The following C12orf71 variants were observed in gnomAD, a reference collection of about 807,000 sequenced individuals.
The protein encoded by C12orf71 is chromosome 12 open reading frame 71, also known as uncharacterized protein C12orf71.
A neutral mutation model predicts 11.7 loss-of-function variants in C12orf71; 10 were observed. That is an observed-to-expected ratio of 0.86 (90% CI 0.53 to 1.45). The LOEUF (loss-of-function observed/expected upper bound fraction) is 1.45. C12orf71 is among the 40% of genes most tolerant of loss of function. The pLI is 0.00. For missense variants in C12orf71, 293 were observed against 325.8 expected (o/e 0.90, Z 0.78); for synonymous variants, 110 against 123.4 (o/e 0.89, Z 0.72).
Position 27,081,434 on chromosome 12 carries a change from T to C in C12orf71, c.550A>G (p.Ser184Gly). The C allele has an allele frequency of 6.2e-7, 1 of 1,612,326 alleles. No individual in the cohort carries two copies. The highest frequency in any genetic ancestry group is 2.2e-5 in the East Asian group (1 of 44,854). The change falls in exon 2 of 2, where the codon AGC becomes GGC. Residue 184 changes from serine (S) to glycine (G), a missense_variant. By Grantham distance (56) the Ser-to-Gly change is moderately conservative. Coordinates refer to ENST00000429849, the MANE Select transcript of C12orf71 (RefSeq NM_001080406.2). ...AGGATTGAGGAGATCTCTGGAGCGC[T>C]TGTCCTTTGGCTGGCGGTTGCCTGG... ...ISQATASQRT[S>G]APEISSILSE...
chr12:27,081,270 G>T lies in C12orf71; in HGVS notation c.714C>A (p.Thr238=), dbSNP rs1216403741. 5.0e-6 allele frequency: 8 copies of T among 1,613,832 alleles called. No individual in the cohort carries two copies. Among genetic ancestry groups the T allele is most frequent in the Admixed American group, 3.3e-5 (2 of 60,000 alleles). Residue 238 remains threonine (T), a synonymous_variant, in exon 2 of 2, where the codon ACC becomes ACA. Coordinates refer to ENST00000429849, the MANE Select transcript of C12orf71 (RefSeq NM_001080406.2). The part of the protein sequence containing the change: ...LLRRDHPVNA[T]KSPHRSAPTK... ...TTGGTGCTGACCGATGGGGACTTTT[G>T]GTGGCATTCACAGGGTGATCCCTCC... is the stretch of plus-strand genomic sequence containing the variant.
chr12:27,082,574 G>T lies in C12orf71; in HGVS notation c.-91C>A. ...TGGGACTAAGGAGAAGAGAGTCATA[G>T]TACTTAAGCAAAAACATTATCCATT... is the stretch of plus-strand genomic sequence containing the variant. On this transcript the variant is annotated 5_prime_UTR_variant, in exon 1 of 2. Transcript: ENST00000429849. 1.0e-6 allele frequency: 1 copy of T among 971,742 alleles called. No homozygotes were observed. The highest frequency in any genetic ancestry group is 1.4e-6 in the Non-Finnish European group (1 of 706,142). The allele number at this position is 971,742 out of a possible 1,614,324, so 60.2% of individuals were successfully genotyped here. A position where few individuals can be genotyped will look rare whatever the true frequency, so the allele number is the denominator to read the frequency against.
chr12:27,081,243 C>T lies in C12orf71; in HGVS notation c.741G>A (p.Thr247=), dbSNP rs753574365. Residue 247 remains threonine (T), a synonymous_variant, in exon 2 of 2, where the codon ACG becomes ACA. Coordinates refer to ENST00000429849, the MANE Select transcript of C12orf71 (RefSeq NM_001080406.2). ...TCTTGCCTCTGTGAAAGAGTCTTTT[C>T]GTTGGTGCTGACCGATGGGGACTTT... is the stretch of plus-strand genomic sequence containing the variant. ...ATKSPHRSAP[T]KRLFHRGKRI... 25 of 1,613,736 alleles carry T rather than the reference C, an allele frequency of 1.5e-5. No homozygotes were observed. Among genetic ancestry groups the T allele is most frequent in the Admixed American group, 5.0e-5 (3 of 60,002 alleles).
At chr12:27,083,653 AAC>A (rs1941955016), upstream of C12orf71, among the ~76,000 whole-genome samples, 1 of 152,212 alleles carries the variant, frequency 6.6e-6, no homozygotes, top group South Asian at 2.1e-4. Flanking sequence ...GCCTACAACA[AAC>A]ATATATATGG....
chr12:27,081,902 A>G lies in C12orf71; in HGVS notation c.516+66T>C, dbSNP rs1428715111. 16 of 1,480,866 alleles carry G rather than the reference A, an allele frequency of 1.1e-5. 1 individual carries two copies. In the East Asian group the frequency reaches 2.7e-4, roughly 25 times the overall value. 91.7% of individuals were successfully genotyped at this position (1,480,866 alleles called of 1,614,324 possible). On this transcript the variant is annotated intron_variant, in intron 1 of 1. Coordinates refer to ENST00000429849, the MANE Select transcript of C12orf71 (RefSeq NM_001080406.2). ...GAGGAGTCTGTGGAGACTACATAACATCTTTATTTTCTGGTGGCTTGCACT... is the reference window on the plus strand; with the variant it reads ...GAGGAGTCTGTGGAGACTACATAACGTCTTTATTTTCTGGTGGCTTGCACT...
upstream of C12orf71, among the ~76,000 whole-genome samples, chr12:27,082,814 G>T (rs1485968917): frequency 1.3e-5 from 2 of 151,932 alleles, no homozygotes; most frequent in African/African-American, 4.8e-5. Flanking sequence ...CTGACCTCAG[G>T]TGATCCACTC....
In C12orf71 at chr12:27,081,178, A is replaced by T; in HGVS notation, c.806T>A (p.Ile269Lys). The change falls in exon 2 of 2, where the codon ATA becomes AAA. Residue 269 changes from isoleucine to lysine, a missense_variant. By Grantham distance (102) the Ile-to-Lys change is moderately radical. Transcript: ENST00000429849. ...PQETLELGHP[I>K] ...CCAAAAAGTTTAAAAATCTGTCTAT[A>T]TGGGATGTCCTAATTCAAGGGTTTC... 1 of 1,607,634 alleles carries T rather than the reference A, an allele frequency of 6.2e-7. No individual in the cohort carries two copies. Among genetic ancestry groups the T allele is most frequent in the Non-Finnish European group, 8.5e-7 (1 of 1,175,566 alleles).
In C12orf71 at chr12:27,081,294, C is replaced by T. The variant is rs768503229; in HGVS notation, c.690G>A (p.Arg230=). 5.6e-6 allele frequency: 9 copies of T among 1,613,850 alleles called. No homozygotes were observed. Among genetic ancestry groups the T allele is most frequent in the Non-Finnish European group, 5.9e-6 (7 of 1,179,898 alleles). The change falls in exon 2 of 2, where the codon AGG becomes AGA. Residue 230 remains arginine (R), a synonymous_variant. Coordinates refer to ENST00000429849, the MANE Select transcript of C12orf71 (RefSeq NM_001080406.2). ...LRQRILPSLL[R]RDHPVNATKS... is the part of the protein sequence containing the mutation. ...TGGTGGCATTCACAGGGTGATCCCT[C>T]CTCAGCAGAGAGGGGAGGATACGCT...
Position 27,082,458 on chromosome 12 carries a change from TC to T in C12orf71, c.25del (p.Asp9ThrfsTer2). The T allele has an allele frequency of 6.6e-7, 1 of 1,509,274 alleles. No homozygotes were observed. Among genetic ancestry groups the T allele is most frequent in the Non-Finnish European group, 8.9e-7 (1 of 1,129,560 alleles). 93.5% of individuals were successfully genotyped at this position (1,509,274 alleles called of 1,614,324 possible). On this transcript the variant is annotated frameshift_variant, in exon 1 of 2. Coordinates refer to ENST00000429849, the MANE Select transcript of C12orf71 (RefSeq NM_001080406.2). LOFTEE classifies it high-confidence loss of function. ...GGATTTGGAGCTGTCGTCCTCTATG[TC>T]GCTGTTAGAGGATGAATATGCCATG... MAYSSSNS[D>X]IEDDSSKSNS...
In C12orf71 at chr12:27,082,250, A is replaced by G. The variant is rs758142785; in HGVS notation, c.234T>C (p.Asp78=). 14 of 1,612,764 alleles carry G rather than the reference A, an allele frequency of 8.7e-6. No individual in the cohort carries two copies. Among genetic ancestry groups the G allele is most frequent in the African/African-American group, 4.0e-5 (3 of 74,844 alleles). The change falls in exon 1 of 2, where the codon GAT becomes GAC. Residue 78 remains aspartate, a synonymous_variant. Transcript: ENST00000429849. Reference sequence around the variant, plus strand: ...TTAGTTTGCAAAACTGCTCTGGTTCATCCTGAATTTGGTCTTGTCTCTTCA... The same window carrying G: ...TTAGTTTGCAAAACTGCTCTGGTTCGTCCTGAATTTGGTCTTGTCTCTTCA... ...RRMKRQDQIQ[D]EPEQFCKLSI...
chr12:27,081,749 C>T (rs1288083399), intron 1 of C12orf71: 2 of 716,912 alleles, frequency 2.8e-6, no homozygotes, highest in Admixed American at 2.0e-5. Flanking sequence ...ACTGGTATCA[C>T]GTCAGTCCCC....
upstream of C12orf71, among the ~76,000 whole-genome samples, chr12:27,083,707 A>T (rs1474716422): frequency 6.6e-6 from 1 of 152,214 alleles, no homozygotes; most frequent in Non-Finnish European, 1.5e-5. Context: ...ATGCTAAATA[A>T]ATCTGTAATA....
At position 27,081,265 on chromosome 12, in the gene C12orf71, CT is replaced by C. The variant is rs1232656736; in HGVS notation, c.718del (p.Ser240ValfsTer26). The C allele has an allele frequency of 1.1e-5, 18 of 1,613,844 alleles. No individual in the cohort carries two copies. Among genetic ancestry groups the C allele is most frequent in the Middle Eastern group, 1.6e-4 (1 of 6,084 alleles). ...TTTCGTTGGTGCTGACCGATGGGGA[CT>C]TTTGGTGGCATTCACAGGGTGATCC... ...RRDHPVNATK[S>X]PHRSAPTKRL... On this transcript the variant is annotated frameshift_variant, in exon 2 of 2. Coordinates refer to ENST00000429849, the MANE Select transcript of C12orf71 (RefSeq NM_001080406.2). LOFTEE classifies it low-confidence loss of function (END_TRUNC).
rs377393417 is a variant in C12orf71 at position 27,082,204 on chromosome 12, C to T, written c.280G>A (p.Val94Met). The T allele has an allele frequency of 4.5e-5, 72 of 1,613,804 alleles. No individual in the cohort carries two copies. The highest frequency in any genetic ancestry group is 1.6e-4 in the Middle Eastern group (1 of 6,082). ...TCTGTGTTATCGGAGCCAATGTCCA[C>T]GTCCCAGGCCAGGAAGATGCTTAGT... ...CKLSIFLAWDVDIGSDNTDSR... is the reference protein window; with the variant it reads ...CKLSIFLAWDMDIGSDNTDSR... The change falls in exon 1 of 2, where the codon GTG (valine) becomes ATG (methionine). Residue 94 changes from valine to methionine, a missense_variant. Transcript: ENST00000429849.
chr12:27,081,708 T>C (rs750527568), intron 1 of C12orf71: 88 of 687,268 alleles, frequency 1.3e-4, no homozygotes, highest in Non-Finnish European at 2.1e-4. Context: ...TCCCTACAGC[T>C]TCACCCTGAC....
rs560532671 is a variant in C12orf71 at position 27,082,380 on chromosome 12, CAG to C, written c.102_103del (p.Cys35Ter). ...ATCTTCCCAGGAGGTTGTGTCCTCACAGGGGGTGTCCTCACAGGGGAAATAGC... is the reference window on the plus strand; with the variant it reads ...ATCTTCCCAGGAGGTTGTGTCCTCACGGGGTGTCCTCACAGGGGAAATAGC... On this transcript the variant is annotated frameshift_variant, in exon 1 of 2. Transcript: ENST00000429849. LOFTEE classifies it high-confidence loss of function. 6.3e-7 allele frequency: 1 copy of C among 1,580,760 alleles called. No homozygotes were observed. The highest frequency in any genetic ancestry group is 8.6e-7 in the Non-Finnish European group (1 of 1,166,808).
At position 27,081,310 on chromosome 12, in the gene C12orf71, AG is replaced by A. The variant is rs760281891; in HGVS notation, c.673del (p.Leu225SerfsTer5). The A allele has an allele frequency of 6.2e-7, 1 of 1,613,798 alleles. No homozygotes were observed. The highest frequency in any genetic ancestry group is 8.5e-7 in the Non-Finnish European group (1 of 1,179,864). ...WAFSWLRQRI[L>X]PSLLRRDHPV... ...GTGATCCCTCCTCAGCAGAGAGGGGAGGATACGCTGCCTCAGCCAGCTGAAG... is the reference window on the plus strand; with the variant it reads ...GTGATCCCTCCTCAGCAGAGAGGGGAGATACGCTGCCTCAGCCAGCTGAAG... On this transcript the variant is annotated frameshift_variant, in exon 2 of 2. Coordinates refer to ENST00000429849, the MANE Select transcript of C12orf71 (RefSeq NM_001080406.2). LOFTEE classifies it low-confidence loss of function (END_TRUNC).
intron 1 of C12orf71, chr12:27,081,760 C>G: frequency 1.4e-6 from 1 of 725,862 alleles, no homozygotes; most frequent in African/African-American, 1.7e-5. Context: ...GTCAGTCCCC[C>G]TGGGACCTGC....
rs708167 is a variant in C12orf71 at position 27,082,066 on chromosome 12, T to A, written c.418A>T (p.Ile140Leu). 1 of 1,605,040 alleles carries A rather than the reference T, an allele frequency of 6.2e-7. No individual in the cohort carries two copies. The highest frequency in any genetic ancestry group is 8.5e-7 in the Non-Finnish European group (1 of 1,174,938). ...TCATCTTTCAGATTTTCTAGAAATA[T>A]CTGAAACTCTTGCACAAGATTATTC... ...KLNNLVQEFQ[I>L]FLENLKDDDA... Residue 140 changes from isoleucine (I) to leucine (L), a missense_variant, in exon 1 of 2, where the codon ATA becomes TTA. Coordinates refer to ENST00000429849, the MANE Select transcript of C12orf71 (RefSeq NM_001080406.2).
Sources: allele counts gnomAD v4.1 joint callset (sites outside exome capture counted in the v4.1 genomes callset), GRCh38; gene constraint gnomAD v4.1.1; transcripts MANE v1.5; gene names NCBI Gene and HGNC (gene_info 2026-07-23, HGNC 2026-07-21).